The following VSIR variants were observed in gnomAD, a reference collection of about 807,000 sequenced individuals.
The protein encoded by VSIR is V-set immunoregulatory receptor, also known as V-type immunoglobulin domain-containing suppressor of T-cell activation.
VSIR carries 10 observed loss-of-function variants against 31.0 expected under a neutral mutation model. The ratio of observed to expected loss-of-function variants is 0.32; its 90% CI spans 0.20 to 0.55. The LOEUF (loss-of-function observed/expected upper bound fraction) is 0.55, where lower values mean the gene tolerates loss of function less well. Ranked by LOEUF, VSIR falls within the 20% of genes least tolerant of loss-of-function variation. VSIR has a pLI of 0.93. For missense variants in VSIR, 356 were observed against 416.2 expected (o/e 0.86, Z 1.26); for synonymous variants, 179 against 180.1 (o/e 0.99, Z 0.05).
At position 71,751,708 on chromosome 10, in the gene VSIR, CAG is replaced by C. The variant is rs1213829448; in HGVS notation, c.856_857del (p.Leu286ValfsTer18). 19 of 1,567,486 alleles carry C rather than the reference CAG, an allele frequency of 1.2e-5. No homozygotes were observed. Among genetic ancestry groups the C allele is most frequent in the Middle Eastern group, 2.0e-4 (1 of 4,942 alleles). Reference sequence around the variant, plus strand: ...AGACGTCTCCGGGGCCTGGAGGAGACAGGGGGGTGCTGGGCTCCGAAAGCAGA... The same window carrying C: ...AGACGTCTCCGGGGCCTGGAGGAGACGGGGGTGCTGGGCTCCGAAAGCAGA... Reference protein sequence around the residue: ...RHLLSEPSTPLSPPGPGDVFF... With the variant: ...RHLLSEPSTPXSPPGPGDVFF... On this transcript the variant is annotated frameshift_variant, in exon 6 of 7. Coordinates refer to ENST00000394957, the MANE Select transcript of VSIR (RefSeq NM_022153.2). LOFTEE classifies it high-confidence loss of function. The surrounding 1 kb of genome is among the most constrained non-coding windows in gnomAD (Gnocchi z 4.9).
chr10:71,756,413 G>T lies in VSIR; in HGVS notation c.569-947C>A, dbSNP rs75330703. ...AAATTTATTGAAGCAGTCCCCTGTT[G>T]GTAGACATGTTGTTTCCATTTTCAG... is the stretch of plus-strand genomic sequence containing the variant. On this transcript the variant is annotated intron_variant, in intron 3 of 6. Coordinates refer to ENST00000394957, the MANE Select transcript of VSIR (RefSeq NM_022153.2). 2.8e-3 allele frequency among the ~76,000 whole-genome samples: 433 copies of T among 152,286 alleles called. 5 individuals carry two copies. Among genetic ancestry groups the T allele is most frequent in the African/African-American group, 9.9e-3 (413 of 41,546 alleles).
At chr10:71,769,229 T>TCTTTCTCCCAC (rs57151070) in intron 1 of VSIR, among the ~76,000 whole-genome samples, 1 of 152,228 alleles carries the variant, frequency 6.6e-6, no homozygotes, top group African/African-American at 2.4e-5. Flanking sequence ...CTCTAAAACA[T>TCTTTCTCCCAC]TTGCTAATCT....
Position 71,755,425 on chromosome 10 carries a change from C to G in VSIR, c.610G>C (p.Gly204Arg). Residue 204 changes from glycine to arginine, a missense_variant, in exon 4 of 7, where the codon GGA (glycine) becomes CGA (arginine). Physicochemically the swap from Gly to Arg is moderately radical, Grantham distance 125 (BLOSUM62 -2). Transcript: ENST00000394957. ...AGGATGAGGGGGAGGCAGAGGATTC[C>G]TACGATGCAGGCACCCGTAGCCAGG... Reference protein sequence around the residue: ...AALATGACIVGILCLPLILLL... With the variant: ...AALATGACIVRILCLPLILLL... 6.2e-7 allele frequency: 1 copy of G among 1,613,440 alleles called. No individual in the cohort carries two copies. The highest frequency in any genetic ancestry group is 8.5e-7 in the Non-Finnish European group (1 of 1,179,874).
rs1198331677 is a variant in VSIR at position 71,749,484 on chromosome 10, C to T, written c.*1769G>A. The stretch of plus-strand genomic sequence containing the variant: ...ACCATGGCCAGCCAGCACCCTCTTC[C>T]TATGGCAGCTGGCATCAAGCATTGT... On this transcript the variant is annotated 3_prime_UTR_variant, in exon 7 of 7. Transcript: ENST00000394957. 6.6e-6 allele frequency: 1 copy of T among 152,276 alleles called. No individual in the cohort carries two copies. The highest frequency in any genetic ancestry group is 2.4e-5 in the African/African-American group (1 of 41,434). 9.4% of individuals were successfully genotyped at this position (152,276 alleles called of 1,614,324 possible).
chr10:71,771,090 A>G (rs530839082), intron 1 of VSIR, among the ~76,000 whole-genome samples: 1 of 152,250 alleles, frequency 6.6e-6, no homozygotes, highest in East Asian at 1.9e-4. Flanking sequence ...GTGCACTTAA[A>G]TGTGCTAGTC....
intron 3 of VSIR, among the ~76,000 whole-genome samples, chr10:71,755,867 TG>T (rs1840129186): frequency 6.6e-6 from 1 of 152,154 alleles, no homozygotes; most frequent in Non-Finnish European, 1.5e-5. Flanking sequence ...GCCTAAGTGA[TG>T]AAAGTTTTGA....
Position 71,761,968 on chromosome 10 carries a change from C to T in VSIR, c.141G>A (p.Gly47=), listed in dbSNP as rs1179453890. 3 of 1,613,642 alleles carry T rather than the reference C, an allele frequency of 1.9e-6. No homozygotes were observed. Among genetic ancestry groups the T allele is most frequent in the East Asian group, 4.5e-5 (2 of 44,892 alleles). ...GCCTGCAGGTGAGGGTGACGTTCTG[C>T]CCCTCGGGACAGACATACAGGGAAT... is the stretch of plus-strand genomic sequence containing the variant. ...TPYSLYVCPE[G]QNVTLTCRLL... is the part of the protein sequence containing the mutation. The change falls in exon 2 of 7, where the codon GGG becomes GGA. Residue 47 remains glycine (G), a synonymous_variant. Coordinates refer to ENST00000394957, the MANE Select transcript of VSIR (RefSeq NM_022153.2).
chr10:71,773,385 AG>A lies in VSIR; in HGVS notation c.54del (p.Phe19SerfsTer9). 6.2e-7 allele frequency: 1 copy of A among 1,610,484 alleles called. No individual in the cohort carries two copies. Among genetic ancestry groups the A allele is most frequent in the Non-Finnish European group, 8.5e-7 (1 of 1,178,694 alleles). ...AGGGACGCAGCCAGGAAGAGAGCGA[AG>A]AGCAGGGATCCCCAGCGCCAGCTGC... ...EAGSWRWGSL[L>X]FALFLAASLG... On this transcript the variant is annotated frameshift_variant, in exon 1 of 7. Coordinates refer to ENST00000394957, the MANE Select transcript of VSIR (RefSeq NM_022153.2). LOFTEE classifies it high-confidence loss of function.
At chr10:71,757,794 A>C (rs1279545653) in intron 3 of VSIR, among the ~76,000 whole-genome samples, 2 of 152,168 alleles carry the variant, frequency 1.3e-5, no homozygotes, top group Non-Finnish European at 2.9e-5. Flanking sequence ...CTGGTTTCCC[A>C]GGGAGGAAGC....
Position 71,760,318 on chromosome 10 carries a change from T to C in VSIR, c.568+550A>G, listed in dbSNP as rs566950246. 4.2e-3 allele frequency among the ~76,000 whole-genome samples: 612 copies of C among 144,488 alleles called. 34 individuals are homozygous for C. Among genetic ancestry groups the C allele is most frequent in the African/African-American group, 9.8e-3 (384 of 39,126 alleles). 94.8% of individuals were successfully genotyped at this position (144,488 alleles called of 152,430 possible). Reference sequence around the variant, plus strand: ...ATATATATGTATATACACACACATATATATATATATATATCCCTGAGATAA... The same window carrying C: ...ATATATATGTATATACACACACATACATATATATATATATCCCTGAGATAA... On this transcript the variant is annotated intron_variant, in intron 3 of 6. Transcript: ENST00000394957.
At chr10:71,754,374 G>A (rs1840080529) in intron 4 of VSIR, among the ~76,000 whole-genome samples, 1 of 152,160 alleles carries the variant, frequency 6.6e-6, no homozygotes, top group Non-Finnish European at 1.5e-5. Context: ...AGTTGTTAAG[G>A]GCCGGCCACA....
chr10:71,766,208 G>A (rs1459412727), intron 1 of VSIR, among the ~76,000 whole-genome samples: 2 of 152,240 alleles, frequency 1.3e-5, no homozygotes, highest in African/African-American at 4.8e-5. Flanking sequence ...GTCATTGTCG[G>A]AGACCGGGAA....
At chr10:71,762,400 G>A (rs949143637) in intron 1 of VSIR, among the ~76,000 whole-genome samples, 5 of 152,246 alleles carry the variant, frequency 3.3e-5, no homozygotes, top group African/African-American at 7.2e-5. Flanking sequence ...GTCCTTGGCC[G>A]CTCTGTAGGG....
chr10:71,759,128 C>G (rs1248952522), intron 3 of VSIR, among the ~76,000 whole-genome samples: 1 of 151,936 alleles, frequency 6.6e-6, no homozygotes, highest in African/African-American at 2.4e-5. Context: ...ACCTCTGACT[C>G]CCGGGTTCAA....
rs924738618 is a variant in VSIR, at chr10:71,751,961, A to G, written c.705-100T>C. The G allele has an allele frequency of 8.2e-6, 10 of 1,212,358 alleles. No homozygotes were observed. Among genetic ancestry groups the G allele is most frequent in the African/African-American group, 3.0e-5 (2 of 65,756 alleles). 75.1% of individuals were successfully genotyped at this position (1,212,358 alleles called of 1,614,324 possible). On this transcript the variant is annotated intron_variant, in intron 5 of 6. Coordinates refer to ENST00000394957, the MANE Select transcript of VSIR (RefSeq NM_022153.2). This position sits in a 1 kb window ranked among gnomAD's most constrained non-coding sequence, Gnocchi z 4.9. ...TCTCTCCTCCCTTTCTCTCACCTACATCCCCATCCCCAAGCCTCAGCAGCA... is the reference window on the plus strand; with the variant it reads ...TCTCTCCTCCCTTTCTCTCACCTACGTCCCCATCCCCAAGCCTCAGCAGCA...
At chr10:71,753,625 G>T (rs1840061310) in intron 4 of VSIR, among the ~76,000 whole-genome samples, 1 of 152,208 alleles carries the variant, frequency 6.6e-6, no homozygotes, top group Non-Finnish European at 1.5e-5. Flanking sequence ...GCTGCCGCTT[G>T]CCTCAGCCTT....
At position 71,773,340 on chromosome 10, in the gene VSIR, C is replaced by T. The variant is rs770380077; in HGVS notation, c.82+18G>A. 8 of 1,596,266 alleles carry T rather than the reference C, an allele frequency of 5.0e-6. No individual in the cohort carries two copies. Among genetic ancestry groups the T allele is most frequent in the Non-Finnish European group, 6.0e-6 (7 of 1,171,444 alleles). On this transcript the variant is annotated intron_variant, in intron 1 of 6. Coordinates refer to ENST00000394957, the MANE Select transcript of VSIR (RefSeq NM_022153.2). ...TTCTCCCAGCTTTTTCCCAGCGCCC[C>T]GCCTCCCCCGACCTTACCTAGGGAC...
intron 1 of VSIR, among the ~76,000 whole-genome samples, chr10:71,763,830 T>A (rs1008617571): frequency 1.3e-5 from 2 of 152,062 alleles, no homozygotes; most frequent in Non-Finnish European, 2.9e-5. Context: ...AGAAGCACAG[T>A]GGGATGGAGA....
At position 71,773,396 on chromosome 10, in the gene VSIR, C is replaced by T; in HGVS notation, c.44G>A (p.Gly15Glu). The T allele has an allele frequency of 6.2e-7, 1 of 1,610,034 alleles. No individual in the cohort carries two copies. Among genetic ancestry groups the T allele is most frequent in the African/African-American group, 1.3e-5 (1 of 74,984 alleles). The change falls in exon 1 of 7, where the codon GGA becomes GAA. Residue 15 changes from glycine to glutamate, a missense_variant. This residue lies in a region of VSIR where 166 missense variants were observed against 231.0 expected (regional missense o/e 0.72). Transcript: ENST00000394957. ...CAGGAAGAGAGCGAAGAGCAGGGATCCCCAGCGCCAGCTGCCGGCCTCCAG... is the reference window on the plus strand; with the variant it reads ...CAGGAAGAGAGCGAAGAGCAGGGATTCCCAGCGCCAGCTGCCGGCCTCCAG... ...TALEAGSWRW[G>E]SLLFALFLAA...
Sources: gnomAD v4.1 joint callset for allele counts (sites outside exome capture counted in the v4.1 genomes callset) on GRCh38, gnomAD v4.1.1 for gene constraint, gnomAD v4.1.1 regional missense constraint, Gnocchi (gnomAD v3.1) non-coding constraint, MANE v1.5 for transcripts, NCBI Gene and HGNC (gene_info 2026-07-23, HGNC 2026-07-21) for gene names.